ELMO1: variants seen among roughly 807,000 people sequenced by gnomAD.
ELMO1 encodes the protein engulfment and cell motility 1.
ELMO1 carries 26 observed loss-of-function variants against 98.9 expected under a neutral mutation model. The ratio of observed to expected loss-of-function variants is 0.26; its 90% confidence interval spans 0.19 to 0.36. ELMO1 has a LOEUF of 0.36. Among genes scored for constraint, ELMO1 ranks in the 10% least tolerant of loss-of-function variants. The pLI is 1.00. For missense variants in ELMO1, 627 were observed against 935.2 expected (o/e 0.67, Z 4.30); for synonymous variants, 346 against 346.0 (o/e 1.00, Z 0.00).
At chr7:37,054,364 C>T (rs912432542) in intron 15 of ELMO1, among the ~76,000 whole-genome samples, 2 of 152,170 alleles carry the variant, frequency 1.3e-5, no homozygotes, top group African/African-American at 4.8e-5. Context: ...CATACACTAA[C>T]TAACAGCCTA....
At chr7:37,130,917 A>C (rs1340783351) in intron 14 of ELMO1, among the ~76,000 whole-genome samples, 1 of 152,226 alleles carries the variant, frequency 6.6e-6, no homozygotes, top group Non-Finnish European at 1.5e-5. Flanking sequence ...GAGAAGATAT[A>C]CATCCTCAAA....
At chr7:36,893,802 G>C (rs1357267270) in intron 17 of ELMO1, among the ~76,000 whole-genome samples, 2 of 152,120 alleles carry the variant, frequency 1.3e-5, no homozygotes, top group Non-Finnish European at 2.9e-5. Flanking sequence ...CTTTGCATGG[G>C]AGTAAGGCCT....
At chr7:37,250,090 A>G (rs1268191280) in intron 6 of ELMO1, among the ~76,000 whole-genome samples, 4 of 152,212 alleles carry the variant, frequency 2.6e-5, no homozygotes, top group Non-Finnish European at 5.9e-5. Flanking sequence ...AAAAAAAGTA[A>G]GATAAAATAA....
chr7:37,350,703 AC>A (rs1481851141), intron 1 of ELMO1, among the ~76,000 whole-genome samples: 7 of 152,050 alleles, frequency 4.6e-5, no homozygotes. Context: ...TCAAATCCTA[AC>A]CCCCAGTAGC....
intron 15 of ELMO1, among the ~76,000 whole-genome samples, chr7:37,035,492 A>T (rs1350573332): frequency 6.6e-6 from 1 of 152,250 alleles, no homozygotes; most frequent in Non-Finnish European, 1.5e-5. Context: ...CTGCTGCATA[A>T]CTGCAGAAAC....
intron 6 of ELMO1, among the ~76,000 whole-genome samples, chr7:37,256,724 GGGGAA>G (rs147352052): frequency 0.073 from 8,401 of 115,250 alleles, 452 homozygotes; most frequent in South Asian, 0.18. Flanking sequence ...AGAGGGGCAG[GGGGAA>G]GGGAAGGGAA....
intron 16 of ELMO1, among the ~76,000 whole-genome samples, chr7:36,945,591 T>C (rs1037593923): frequency 1.3e-5 from 2 of 152,202 alleles, no homozygotes; most frequent in Non-Finnish European, 2.9e-5. Flanking sequence ...GCCTCTGTTT[T>C]TCCAATAGTG....
intron 16 of ELMO1, among the ~76,000 whole-genome samples, chr7:36,904,365 A>G (rs746648405): frequency 6.6e-6 from 1 of 152,220 alleles, no homozygotes; most frequent in Non-Finnish European, 1.5e-5. Flanking sequence ...TGCAGCTTCT[A>G]ATGAAACAGG....
intron 13 of ELMO1, among the ~76,000 whole-genome samples, chr7:37,136,843 A>G (rs2129303690): frequency 6.6e-6 from 1 of 152,342 alleles, no homozygotes; most frequent in East Asian, 1.9e-4. Flanking sequence ...TGTGTATATA[A>G]CAATAATACA....
intron 1 of ELMO1, among the ~76,000 whole-genome samples, chr7:37,370,187 A>G (rs1802061605): frequency 6.6e-6 from 1 of 152,200 alleles, no homozygotes; most frequent in South Asian, 2.1e-4. Flanking sequence ...TTTGTTCACA[A>G]TGCGGCTCTG....
intron 18 of ELMO1, among the ~76,000 whole-genome samples, chr7:36,885,304 G>C (rs1804859950): frequency 7.1e-6 from 1 of 141,466 alleles, no homozygotes; most frequent in African/African-American, 2.6e-5. Context: ...TATAGATACG[G>C]GACTAACATT....
intron 4 of ELMO1, among the ~76,000 whole-genome samples, chr7:37,308,300 G>C (rs562284039): frequency 1.8e-4 from 28 of 151,978 alleles, no homozygotes; most frequent in Non-Finnish European, 3.1e-4. Flanking sequence ...CCATCTCAAG[G>C]CTTCCCTATG....
Position 37,318,736 on chromosome 7 carries a change from G to A in ELMO1, c.79-2776C>T, listed in dbSNP as rs185143107. On this transcript the variant is annotated intron_variant, in intron 2 of 21. Coordinates refer to ENST00000310758, the MANE Select transcript of ELMO1 (RefSeq NM_014800.11). ...GTTAGCCTAGCCAATCAAAATGAGT[G>A]TTACATAATGGTGGGCCCCTCCATT... Among the ~76,000 whole-genome samples the A allele has an allele frequency of 9.6e-4, 146 of 152,276 alleles. 4 individuals carry two copies. In the South Asian group the frequency reaches 0.015, roughly 16 times the overall value.
At chr7:37,263,157 A>G (rs1796062461) in intron 5 of ELMO1, among the ~76,000 whole-genome samples, 1 of 152,118 alleles carries the variant, frequency 6.6e-6, no homozygotes, top group African/African-American at 2.4e-5. Flanking sequence ...TATTATATAA[A>G]AAAAGTGGGA....
At chr7:37,405,965 T>C (rs1474567975) in intron 1 of ELMO1, among the ~76,000 whole-genome samples, 1 of 152,150 alleles carries the variant, frequency 6.6e-6, no homozygotes, top group African/African-American at 2.4e-5. Context: ...CTTGCTTCCC[T>C]TATCAGTAAT....
At chr7:37,419,838 G>A (rs1804395760) in intron 1 of ELMO1, 1 of 152,088 alleles carries the variant, frequency 6.6e-6, no homozygotes, top group Non-Finnish European at 1.5e-5. Context: ...GATGACCAGT[G>A]GCAACATTTT....
At chr7:37,084,369 C>T (rs930438398) in intron 15 of ELMO1, among the ~76,000 whole-genome samples, 4 of 152,168 alleles carry the variant, frequency 2.6e-5, no homozygotes, top group South Asian at 2.1e-4. Flanking sequence ...ATGCAACAAA[C>T]GCTTATTAAA....
At chr7:37,100,062 A>C (rs1020757305) in intron 14 of ELMO1, among the ~76,000 whole-genome samples, 1 of 152,030 alleles carries the variant, frequency 6.6e-6, no homozygotes, top group Non-Finnish European at 1.5e-5. Context: ...CTCGAACTCC[A>C]GACCTCAGGT....
intron 16 of ELMO1, among the ~76,000 whole-genome samples, chr7:36,998,592 C>T (rs1211592399): frequency 6.6e-6 from 1 of 151,800 alleles, no homozygotes; most frequent in Non-Finnish European, 1.5e-5. Flanking sequence ...ATGTTCATTT[C>T]CAAAGTCACA....
Sources: allele counts gnomAD v4.1 joint callset (sites outside exome capture counted in the v4.1 genomes callset), GRCh38; gene constraint gnomAD v4.1.1; transcripts MANE v1.5; gene names NCBI Gene and HGNC (gene_info 2026-07-23, HGNC 2026-07-21).